Variants in ATRNL1 observed in about 807,000 individuals in gnomAD.
The protein encoded by ATRNL1 is attractin-like protein 1.
A neutral mutation model predicts 182.7 loss-of-function variants in ATRNL1; 95 were observed. The observed-to-expected ratio is 0.52, with a 90% CI of 0.44 to 0.62. The LOEUF is 0.62. Ranked by LOEUF, ATRNL1 falls within the 20% of genes least tolerant of loss-of-function variation. The pLI, the probability that ATRNL1 is intolerant of heterozygous loss-of-function variation, is 0.00. For synonymous variants in ATRNL1, 576 were observed against 568.3 expected (o/e 1.01, Z -0.19); for missense variants, 1,471 against 1,679.5 (o/e 0.88, Z 2.17).
At position 115,545,641 on chromosome 10, in the gene ATRNL1, G is replaced by A. The variant is rs1044351349; in HGVS notation, c.3717-3817G>A. 6.6e-5 allele frequency among the ~76,000 whole-genome samples: 10 copies of A among 152,240 alleles called. No individual in the cohort carries two copies. The East Asian group carries it at 1.2e-3, about 18-fold the overall frequency. On this transcript the variant is annotated intron_variant, in intron 25 of 28. Transcript: ENST00000355044. Reference sequence around the variant, plus strand: ...CATGAGAAATTCAACTAGTATTCCCGTCTCAAACTGAATCTTTATTATGTA... The same window carrying A: ...CATGAGAAATTCAACTAGTATTCCCATCTCAAACTGAATCTTTATTATGTA...
chr10:115,120,368 T>G, intron 2 of ATRNL1, 100 bp downstream of exon 2: 1 of 595,772 alleles, frequency 1.7e-6, no homozygotes, highest in South Asian at 3.1e-5. Context: ...CTTTATCATT[T>G]AGTTTGTTTA....
intron 26 of ATRNL1, among the ~76,000 whole-genome samples, chr10:115,659,184 T>C (rs1470876785): frequency 1.3e-5 from 2 of 151,998 alleles, no homozygotes; most frequent in African/African-American, 4.8e-5. Flanking sequence ...CTAATAACCT[T>C]CCCTCCTTTT....
chr10:115,131,671 G>A (rs1200967169), intron 5 of ATRNL1, among the ~76,000 whole-genome samples: 3 of 152,196 alleles, frequency 2.0e-5, no homozygotes, highest in East Asian at 1.9e-4. Context: ...GCGGACTGCC[G>A]AGGCAATCTT....
chr10:115,771,215 T>C (rs534296058), intron 27 of ATRNL1, among the ~76,000 whole-genome samples: 1 of 148,442 alleles, frequency 6.7e-6, no homozygotes, highest in Admixed American at 6.7e-5. Flanking sequence ...AGGACTAGAA[T>C]TCATAGGATT....
chr10:115,711,144 A>C (rs1947052658), intron 26 of ATRNL1, among the ~76,000 whole-genome samples: 1 of 152,108 alleles, frequency 6.6e-6, no homozygotes, highest in African/African-American at 2.4e-5. Context: ...TCAATATATC[A>C]TTTTTATTAT....
chr10:115,866,846 A>T (rs1445743019), intron 28 of ATRNL1, among the ~76,000 whole-genome samples: 1 of 152,180 alleles, frequency 6.6e-6, no homozygotes, highest in African/African-American at 2.4e-5. Context: ...AGCACTTCAG[A>T]TTCAAACCCA....
chr10:115,403,126 T>C (rs1300227393), intron 20 of ATRNL1, among the ~76,000 whole-genome samples: 1 of 152,154 alleles, frequency 6.6e-6, no homozygotes, highest in African/African-American at 2.4e-5. Flanking sequence ...ATGATGCCAA[T>C]GAATTCCTTT....
intron 9 of ATRNL1, among the ~76,000 whole-genome samples, chr10:115,238,291 C>A (rs908485303): frequency 3.3e-5 from 5 of 152,142 alleles, no homozygotes; most frequent in Admixed American, 6.5e-5. Context: ...TACTAAAAAT[C>A]TTGCTGGAAT....
chr10:115,637,953 G>T (rs1199466793), intron 26 of ATRNL1, among the ~76,000 whole-genome samples: 1 of 152,020 alleles, frequency 6.6e-6, no homozygotes, highest in African/African-American at 2.4e-5. Context: ...AGAAAAATAT[G>T]TTTATAAATG....
intron 28 of ATRNL1, among the ~76,000 whole-genome samples, chr10:115,893,962 A>G (rs1555111871): frequency 6.6e-6 from 1 of 151,950 alleles, no homozygotes; most frequent in African/African-American, 2.4e-5. Context: ...TCAAGAATGG[A>G]CCAAAAAAAA....
intron 5 of ATRNL1, among the ~76,000 whole-genome samples, chr10:115,156,143 G>C (rs947018071): frequency 6.6e-6 from 1 of 152,106 alleles, no homozygotes; most frequent in Non-Finnish European, 1.5e-5. Flanking sequence ...GATAACGTGC[G>C]ATGCTGAGGT....
chr10:115,492,644 A>T (rs1298310993), intron 24 of ATRNL1, among the ~76,000 whole-genome samples: 13 of 121,852 alleles, frequency 1.1e-4, no homozygotes, highest in Admixed American at 2.7e-4. Flanking sequence ...TACTAAAGTG[A>T]TTTTTTTTTT....
intron 19 of ATRNL1, among the ~76,000 whole-genome samples, chr10:115,389,601 T>G (rs1843915520): frequency 8.5e-6 from 1 of 118,172 alleles, no homozygotes; most frequent in South Asian, 2.7e-4. Context: ...TTTCATCCAA[T>G]GATGGACACC....
chr10:115,741,778 G>A (rs558974927), intron 27 of ATRNL1, among the ~76,000 whole-genome samples: 4 of 152,252 alleles, frequency 2.6e-5, no homozygotes, highest in African/African-American at 9.6e-5. Context: ...AAAAGAGGGA[G>A]GGGTCAGAAG....
chr10:115,384,689 G>A (rs1858233460), intron 19 of ATRNL1, among the ~76,000 whole-genome samples: 1 of 151,158 alleles, frequency 6.6e-6, no homozygotes, highest in Non-Finnish European at 1.5e-5. Context: ...TCTACCCTAA[G>A]CTCATGGGTC....
chr10:115,505,424 A>T (rs1850061358), intron 24 of ATRNL1, among the ~76,000 whole-genome samples: 1 of 152,176 alleles, frequency 6.6e-6, no homozygotes, highest in Non-Finnish European at 1.5e-5. Context: ...ATCAGGTTAC[A>T]AAATACGAAA....
chr10:115,528,649 T>C (rs1376725636), intron 25 of ATRNL1, among the ~76,000 whole-genome samples: 1 of 152,084 alleles, frequency 6.6e-6, no homozygotes, highest in East Asian at 1.9e-4. Context: ...CTCTAATATT[T>C]ATAATTTCCT....
At chr10:115,229,099 G>T (rs1554899379) in intron 9 of ATRNL1, among the ~76,000 whole-genome samples, 1 of 151,608 alleles carries the variant, frequency 6.6e-6, no homozygotes, top group Non-Finnish European at 1.5e-5. Flanking sequence ...ATATTAAAAA[G>T]ATAGGTAGTG....
At chr10:115,503,433 A>G (rs1239605891) in intron 24 of ATRNL1, among the ~76,000 whole-genome samples, 2 of 152,144 alleles carry the variant, frequency 1.3e-5, no homozygotes, top group African/African-American at 4.8e-5. Context: ...AATGTGTTGA[A>G]GGAGAAGTTT....
Sources: gnomAD v4.1 joint callset for allele counts (sites outside exome capture counted in the v4.1 genomes callset) on GRCh38, gnomAD v4.1.1 for gene constraint, MANE v1.5 for transcripts, NCBI Gene and HGNC (gene_info 2026-07-23, HGNC 2026-07-21) for gene names.